EYA3: variants seen among roughly 807,000 people sequenced by gnomAD.
The protein encoded by EYA3 is protein phosphatase EYA3.
Under a neutral mutation model 80.0 loss-of-function variants are expected in EYA3, and 39 were observed. The observed-to-expected ratio is 0.49, with a 90% CI of 0.38 to 0.64. The LOEUF (loss-of-function observed/expected upper bound fraction) is 0.64, where lower values mean the gene tolerates loss of function less well. EYA3 is among the 30% of genes least tolerant of loss of function. The probability of loss-of-function intolerance (pLI) is 0.00; values close to 1 mark genes in which losing one functional copy is unlikely to be tolerated. For missense variants in EYA3, 523 were observed against 676.1 expected (o/e 0.77, Z 2.51); for synonymous variants, 206 against 232.8 (o/e 0.88, Z 1.05).
intron 11 of EYA3, among the ~76,000 whole-genome samples, chr1:28,002,825 A>C (rs1421008751): frequency 6.6e-6 from 1 of 151,880 alleles, no homozygotes; most frequent in South Asian, 2.1e-4. Context: ...AGAAAAAAAA[A>C]ACACAAACCT....
intron 2 of EYA3, among the ~76,000 whole-genome samples, chr1:28,056,021 CA>C (rs1231015636): frequency 6.6e-6 from 1 of 151,600 alleles, no homozygotes. Flanking sequence ...CAAAATGTGT[CA>C]TTACTCTTCC....
intron 7 of EYA3, among the ~76,000 whole-genome samples, chr1:28,019,997 C>T (rs745801994): frequency 9.2e-5 from 14 of 152,090 alleles, no homozygotes; most frequent in African/African-American, 1.4e-4. Context: ...CCACCACGCC[C>T]GGCTACTTCT....
intron 1 of EYA3, among the ~76,000 whole-genome samples, chr1:28,063,985 G>A (rs1644737469): frequency 6.7e-6 from 1 of 150,344 alleles, no homozygotes; most frequent in South Asian, 2.1e-4. Context: ...TTTTTTTTTG[G>A]CCAAGATTTT....
intron 6 of EYA3, among the ~76,000 whole-genome samples, 197 bp downstream of exon 6, chr1:28,035,347 T>C (rs1643386475): frequency 6.6e-6 from 1 of 152,220 alleles, no homozygotes; most frequent in Admixed American, 6.5e-5. Flanking sequence ...GGTCAAGACT[T>C]AGTACATACA....
chr1:28,078,333 C>T (rs1226422131), intron 1 of EYA3, among the ~76,000 whole-genome samples: 1 of 152,120 alleles, frequency 6.6e-6, no homozygotes, highest in East Asian at 1.9e-4. Flanking sequence ...CCTACAGGTC[C>T]TCAAGACAAG....
At chr1:28,066,054 A>T (rs1269007692) in intron 1 of EYA3, among the ~76,000 whole-genome samples, 1 of 152,072 alleles carries the variant, frequency 6.6e-6, no homozygotes, top group Non-Finnish European at 1.5e-5. Flanking sequence ...AGTACTGCAG[A>T]TACCTCAACA....
intron 11 of EYA3, among the ~76,000 whole-genome samples, chr1:28,003,573 G>A (rs1641050482): frequency 2.0e-5 from 3 of 152,064 alleles, no homozygotes. Flanking sequence ...GGTAAAGGAG[G>A]CAAATATTTT....
intron 4 of EYA3, among the ~76,000 whole-genome samples, chr1:28,042,216 TA>T (rs1186526785): frequency 2.6e-5 from 4 of 152,052 alleles, no homozygotes. Flanking sequence ...ACACACCTTT[TA>T]AAAAAAAGTT....
intron 6 of EYA3, among the ~76,000 whole-genome samples, chr1:28,029,645 T>C (rs1643004996): frequency 6.7e-6 from 1 of 149,926 alleles, no homozygotes; most frequent in Non-Finnish European, 1.5e-5. Flanking sequence ...CAGGCTAGAG[T>C]GCAGTGGCAC....
At chr1:28,045,313 A>G (rs1643960725) in intron 3 of EYA3, among the ~76,000 whole-genome samples, 1 of 152,218 alleles carries the variant, frequency 6.6e-6, no homozygotes, top group Non-Finnish European at 1.5e-5. Flanking sequence ...GTTAATAAAA[A>G]TAGACTTCTG....
At chr1:28,034,908 A>G (rs750372415) in intron 6 of EYA3, among the ~76,000 whole-genome samples, 7 of 152,190 alleles carry the variant, frequency 4.6e-5, no homozygotes, top group Non-Finnish European at 1.0e-4. Context: ...TTACACACAT[A>G]GAAAAATAAG....
At chr1:28,034,579 A>C (rs1043660746) in intron 6 of EYA3, among the ~76,000 whole-genome samples, 2 of 152,162 alleles carry the variant, frequency 1.3e-5, no homozygotes, top group African/African-American at 4.8e-5. Flanking sequence ...CATAATTCCC[A>C]ATTCTTATTT....
intron 5 of EYA3, among the ~76,000 whole-genome samples, chr1:28,036,322 T>C (rs1163438860): frequency 6.6e-6 from 1 of 152,230 alleles, no homozygotes; most frequent in Admixed American, 6.5e-5. Flanking sequence ...CTCTTATGCC[T>C]ACATCTAGAA....
At chr1:28,082,308 T>C (rs551291562) in intron 1 of EYA3, among the ~76,000 whole-genome samples, 6 of 152,256 alleles carry the variant, frequency 3.9e-5, no homozygotes, top group African/African-American at 1.4e-4. Context: ...GACTCCTGCA[T>C]TAAGGTGCAC....
intron 11 of EYA3, 90 bp from the exon 12 acceptor site, chr1:28,000,139 C>A: frequency 1.3e-6 from 1 of 794,914 alleles, no homozygotes. Flanking sequence ...AGGTCAAGGC[C>A]AAAACACACG....
At chr1:28,046,216 C>T (rs1192618009) in intron 3 of EYA3, among the ~76,000 whole-genome samples, 2 of 152,086 alleles carry the variant, frequency 1.3e-5, no homozygotes, top group Non-Finnish European at 2.9e-5. Flanking sequence ...CTTAGTGCCA[C>T]TAAACTGTAC....
At chr1:28,086,686 A>G (rs1645667564) in intron 1 of EYA3, among the ~76,000 whole-genome samples, 2 of 152,220 alleles carry the variant, frequency 1.3e-5, no homozygotes, top group South Asian at 4.1e-4. Context: ...AAGCCCACAA[A>G]CCTGAAGGTA....
chr1:28,004,225 G>C, intron 11 of EYA3, 111 bp downstream of exon 11: 1 of 685,590 alleles, frequency 1.5e-6, no homozygotes, highest in Non-Finnish European at 2.4e-6. Context: ...TACATGGAAA[G>C]TGAAAAGCCA....
chr1:28,081,999 TTAAC>T (rs1645446774), intron 1 of EYA3, among the ~76,000 whole-genome samples: 2 of 152,110 alleles, frequency 1.3e-5, no homozygotes, highest in African/African-American at 4.8e-5. Context: ...AATTAAATGT[TTAAC>T]TAAAAGTAAA....
Sources: allele counts gnomAD v4.1 joint callset (sites outside exome capture counted in the v4.1 genomes callset), GRCh38; gene constraint gnomAD v4.1.1; transcripts MANE v1.5; gene names NCBI Gene and HGNC (gene_info 2026-07-23, HGNC 2026-07-21).